Variants in SLC6A6 observed in about 807,000 individuals in gnomAD.
SLC6A6 encodes the protein solute carrier family 6 member 6.
Under a neutral mutation model 68.8 loss-of-function variants are expected in SLC6A6, and 16 were observed. That is an observed-to-expected ratio of 0.23 (90% CI 0.16 to 0.35). SLC6A6 has a LOEUF of 0.35. Ranked by LOEUF, SLC6A6 falls within the 10% of genes least tolerant of loss-of-function variation. The probability of loss-of-function intolerance (pLI) is 1.00; values close to 1 mark genes in which losing one functional copy is unlikely to be tolerated. For synonymous variants in SLC6A6, 312 were observed against 315.4 expected, an observed-to-expected ratio of 0.99 and a Z score of 0.12; for missense variants, 474 against 802.8, an observed-to-expected ratio of 0.59 and a Z score of 4.95.
At chr3:14,422,338 T>C (rs1210445755) in intron 2 of SLC6A6, among the ~76,000 whole-genome samples, 1 of 152,126 alleles carries the variant, frequency 6.6e-6, no homozygotes, top group East Asian at 1.9e-4. Context: ...GACAAGTCAC[T>C]AACCCTCTGT....
intron 1 of SLC6A6, among the ~76,000 whole-genome samples, chr3:14,408,884 G>A (rs2124894027): frequency 6.6e-6 from 1 of 152,054 alleles, no homozygotes; most frequent in Non-Finnish European, 1.5e-5. Context: ...TCAGCTCACT[G>A]CAAGCTCCGC....
intron 13 of SLC6A6, among the ~76,000 whole-genome samples, chr3:14,480,642 ACT>A (rs1474116487): frequency 6.6e-6 from 1 of 151,974 alleles, no homozygotes. Flanking sequence ...CCCATCACCG[ACT>A]CTGCTTTAGA....
chr3:14,479,244 T>C, intron 13 of SLC6A6, 59 bp downstream of exon 13: 1 of 1,029,666 alleles, frequency 9.7e-7, no homozygotes, highest in Non-Finnish European at 1.5e-6. Flanking sequence ...CTTGACATTT[T>C]CACCCGCTAA....
intron 1 of SLC6A6, chr3:14,410,962 G>A (rs1246656249): frequency 6.6e-6 from 1 of 152,278 alleles, no homozygotes; most frequent in Non-Finnish European, 1.5e-5. Context: ...GCACCATGAG[G>A]GAAGACTCAG....
At chr3:14,454,169 A>G (rs1173991817) in intron 5 of SLC6A6, among the ~76,000 whole-genome samples, 2 of 152,158 alleles carry the variant, frequency 1.3e-5, no homozygotes, top group African/African-American at 4.8e-5. Context: ...GGCCTGACAT[A>G]GGTATTGATA....
chr3:14,463,628 G>A (rs770857241), intron 6 of SLC6A6, among the ~76,000 whole-genome samples: 10 of 152,232 alleles, frequency 6.6e-5, no homozygotes, highest in South Asian at 2.1e-4. Flanking sequence ...CCGCCTGTCC[G>A]CCTGTCCTCA....
intron 2 of SLC6A6, among the ~76,000 whole-genome samples, chr3:14,431,076 T>C (rs1005119013): frequency 1.3e-5 from 1 of 78,826 alleles, no homozygotes. Flanking sequence ...TGGAAGATGC[T>C]CAGGAATGGA....
At position 14,403,077 on chromosome 3, in the gene SLC6A6, AGTGTGTGTGTGTGTGTGT is replaced by A. The variant is rs34547966; in HGVS notation, c.-54+260_-54+277del. The stretch of plus-strand genomic sequence containing the variant: ...CGGCTCTTGGTGCGGGCGGCAGGAG[AGTGTGTGTGTGTGTGTGT>A]GTGTGTGTGTGTGTGTGTGTGTGTG... On this transcript the variant is annotated intron_variant, in intron 1 of 14. Coordinates refer to ENST00000622186, the MANE Select transcript of SLC6A6 (RefSeq NM_003043.6). Among the ~76,000 whole-genome samples, 401 of 143,426 alleles carry A rather than the reference AGTGTGTGTGTGTGTGTGT, an allele frequency of 2.8e-3. 3 individuals carry two copies. The highest frequency in any genetic ancestry group is 9.0e-3 in the African/African-American group (346 of 38,570). 94.1% of individuals were successfully genotyped at this position (143,426 alleles called of 152,430 possible).
At chr3:14,424,647 G>A (rs1243833280) in intron 2 of SLC6A6, among the ~76,000 whole-genome samples, 1 of 152,208 alleles carries the variant, frequency 6.6e-6, no homozygotes, top group Non-Finnish European at 1.5e-5. Context: ...CCAGAAACAG[G>A]AATCCTTATT....
intron 2 of SLC6A6, among the ~76,000 whole-genome samples, chr3:14,427,800 G>A (rs1699634808): frequency 6.6e-6 from 1 of 152,162 alleles, no homozygotes; most frequent in Admixed American, 6.5e-5. Context: ...CCCTCCTGTG[G>A]GTTGTTGGGG....
intron 1 of SLC6A6, among the ~76,000 whole-genome samples, chr3:14,410,571 G>C (rs1559282736): frequency 6.6e-6 from 1 of 152,194 alleles, no homozygotes; most frequent in Admixed American, 6.5e-5. Context: ...AGAAGGGTTG[G>C]GCTGGCAATG....
In SLC6A6 at chr3:14,488,861, G is replaced by A. The variant is rs1456529411; in HGVS notation, c.*3854G>A. 6.6e-6 allele frequency: 1 copy of A among 152,476 alleles called. No homozygotes were observed. The highest frequency in any genetic ancestry group is 6.5e-5 in the Admixed American group (1 of 15,276). 9.4% of individuals were successfully genotyped at this position (152,476 alleles called of 1,614,324 possible). On this transcript the variant is annotated 3_prime_UTR_variant, in exon 15 of 15. Coordinates refer to ENST00000622186, the MANE Select transcript of SLC6A6 (RefSeq NM_003043.6). ...GACATGTTCTGGCGTGTTCTCCGAG[G>A]GATGGAGCATCCTGTTATATATTTG...
At chr3:14,466,398 C>A in intron 6 of SLC6A6, 118 bp from the exon 7 acceptor site, 1 of 1,203,780 alleles carries the variant, frequency 8.3e-7, no homozygotes, top group Non-Finnish European at 1.2e-6. Flanking sequence ...AGACAGCAAA[C>A]CTGGCTCCAG....
In SLC6A6 at chr3:14,402,616, T is replaced by G. The variant is rs1276853141; in HGVS notation, c.-285T>G. 1 of 397,622 alleles carries G rather than the reference T, an allele frequency of 2.5e-6. No homozygotes were observed. Among genetic ancestry groups the G allele is most frequent in the Non-Finnish European group, 4.4e-6 (1 of 225,568 alleles). The allele number at this position is 397,622 out of a possible 1,614,324, so 24.6% of individuals were successfully genotyped here. ...AGGATGGGTGATGCTGAGAGCTGCC[T>G]GCTCAGACAACAGACACGCGAGGTC... is the stretch of plus-strand genomic sequence containing the variant. On this transcript the variant is annotated 5_prime_UTR_variant, in exon 1 of 15. Coordinates refer to ENST00000622186, the MANE Select transcript of SLC6A6 (RefSeq NM_003043.6). The surrounding 1 kb of genome is among the most constrained non-coding windows in gnomAD (Gnocchi z 4.8).
chr3:14,486,652 C>T lies in SLC6A6; in HGVS notation c.*1645C>T, dbSNP rs1172045452. 6.5e-6 allele frequency: 1 copy of T among 152,674 alleles called. No homozygotes were observed. Among genetic ancestry groups the T allele is most frequent in the African/African-American group, 2.4e-5 (1 of 41,446 alleles). 9.5% of individuals were successfully genotyped at this position (152,674 alleles called of 1,614,324 possible). A position where few individuals can be genotyped will look rare whatever the true frequency, so the allele number is the denominator to read the frequency against. On this transcript the variant is annotated 3_prime_UTR_variant, in exon 15 of 15. Coordinates refer to ENST00000622186, the MANE Select transcript of SLC6A6 (RefSeq NM_003043.6). The stretch of plus-strand genomic sequence containing the variant: ...CCATTTGAACAGTCACTTCCAAGCT[C>T]AGTCTAAATGAAACCGAAACGTGAC...
intron 10 of SLC6A6, among the ~76,000 whole-genome samples, chr3:14,476,297 C>T (rs766728556): frequency 1.2e-4 from 18 of 152,112 alleles, no homozygotes; most frequent in African/African-American, 3.9e-4. Context: ...AGATCAATGG[C>T]GATGCCTACC....
chr3:14,408,145 G>T (rs1482709527), intron 1 of SLC6A6, among the ~76,000 whole-genome samples: 2 of 152,126 alleles, frequency 1.3e-5, no homozygotes, highest in Non-Finnish European at 2.9e-5. Context: ...GAGCTGCTGG[G>T]TTATAAGGTA....
chr3:14,467,065 T>G (rs1700637248), intron 7 of SLC6A6, among the ~76,000 whole-genome samples: 1 of 152,152 alleles, frequency 6.6e-6, no homozygotes, highest in Non-Finnish European at 1.5e-5. Context: ...AGGGTGGAAT[T>G]CAGAGTTAAT....
intron 2 of SLC6A6, among the ~76,000 whole-genome samples, chr3:14,438,456 G>A (rs1210846053): frequency 6.6e-6 from 1 of 152,164 alleles, no homozygotes; most frequent in Non-Finnish European, 1.5e-5. Context: ...GGAGAGAGAT[G>A]CCTGCTGTGG....
Sources: allele counts gnomAD v4.1 joint callset (sites outside exome capture counted in the v4.1 genomes callset), GRCh38; gene constraint gnomAD v4.1.1; non-coding constraint Gnocchi (gnomAD v3.1); transcripts MANE v1.5; gene names NCBI Gene and HGNC (gene_info 2026-07-23, HGNC 2026-07-21).